ACOXL: variants seen among roughly 807,000 people sequenced by gnomAD.
ACOXL encodes acyl-coenzyme A oxidase-like protein.
In ACOXL, 70 loss-of-function variants were observed where a neutral mutation model predicts 71.9. The observed-to-expected ratio is 0.97, with a 90% confidence interval of 0.80 to 1.19. The LOEUF is 1.19. Ranked by LOEUF, ACOXL falls within the 50% of genes most tolerant of loss-of-function variation. ACOXL has a pLI of 0.00. For synonymous variants in ACOXL, 253 were observed against 281.6 expected, an observed-to-expected ratio of 0.90 and a Z score of 1.02; for missense variants, 703 against 736.3, an observed-to-expected ratio of 0.95 and a Z score of 0.52.
chr2:110,795,386 C>T (rs1026639583), intron 5 of ACOXL, among the ~76,000 whole-genome samples: 17 of 152,278 alleles, frequency 1.1e-4, no homozygotes, highest in African/African-American at 7.2e-5. Context: ...ACTGACCACT[C>T]GTAAAGTGCC....
intron 16 of ACOXL, among the ~76,000 whole-genome samples, chr2:111,076,273 G>A (rs1392667164): frequency 6.6e-6 from 1 of 152,036 alleles, no homozygotes; most frequent in Non-Finnish European, 1.5e-5. Flanking sequence ...ATATTTTAAA[G>A]CATTGTGTGT....
chr2:110,993,335 TC>T (rs759870125), intron 13 of ACOXL, among the ~76,000 whole-genome samples: 5 of 152,236 alleles, frequency 3.3e-5, no homozygotes, highest in Non-Finnish European at 7.3e-5. Flanking sequence ...TCTGATATTT[TC>T]CCACCACAGA....
intron 16 of ACOXL, among the ~76,000 whole-genome samples, chr2:111,088,965 CCTTCCTTTCTTATA>C (rs1320893285): frequency 6.6e-6 from 1 of 152,224 alleles, no homozygotes; most frequent in East Asian, 1.9e-4. Context: ...TAAGGCTTAT[CCTTCCTTTCTTATA>C]CTTCCTTTCT....
At chr2:110,831,177 G>A (rs1689782194) in intron 9 of ACOXL, among the ~76,000 whole-genome samples, 1 of 152,046 alleles carries the variant, frequency 6.6e-6, no homozygotes, top group Non-Finnish European at 1.5e-5. Context: ...ATAAAGATCA[G>A]AAAAAAGACA....
intron 1 of ACOXL, among the ~76,000 whole-genome samples, chr2:110,763,431 G>A (rs1573393822): frequency 6.6e-6 from 1 of 152,286 alleles, no homozygotes; most frequent in Middle Eastern, 3.4e-3. Flanking sequence ...CAATAAAATG[G>A]AGAAAAGATA....
intron 12 of ACOXL, among the ~76,000 whole-genome samples, chr2:110,974,940 A>T (rs966438834): frequency 2.6e-5 from 4 of 152,084 alleles, no homozygotes; most frequent in African/African-American, 9.7e-5. Context: ...CTCAGCCGAG[A>T]TGTGGTTTGG....
chr2:110,754,751 T>G (rs1018854092), intron 1 of ACOXL, among the ~76,000 whole-genome samples: 5 of 152,228 alleles, frequency 3.3e-5, no homozygotes, highest in Non-Finnish European at 7.3e-5. Context: ...TTGGGTTGTT[T>G]CCAGTTTTTG....
At chr2:111,060,620 A>G (rs1335812027) in intron 16 of ACOXL, among the ~76,000 whole-genome samples, 2 of 152,222 alleles carry the variant, frequency 1.3e-5, no homozygotes, top group Non-Finnish European at 2.9e-5. Flanking sequence ...AATCACTCAC[A>G]ATACCAAGAA....
At chr2:110,767,089 T>C (rs1371691285) in intron 1 of ACOXL, among the ~76,000 whole-genome samples, 1 of 152,134 alleles carries the variant, frequency 6.6e-6, no homozygotes. Context: ...TTTTCTGTTG[T>C]TGGGTGGGTA....
At chr2:110,935,822 C>T (rs1016129745) in intron 12 of ACOXL, among the ~76,000 whole-genome samples, 9 of 131,522 alleles carry the variant, frequency 6.8e-5, no homozygotes, top group African/African-American at 1.7e-4. Flanking sequence ...GGACTGGTTT[C>T]GTGGAAGACA....
At chr2:110,844,998 T>A (rs1298407129) in intron 10 of ACOXL, among the ~76,000 whole-genome samples, 1 of 152,244 alleles carries the variant, frequency 6.6e-6, no homozygotes, top group Non-Finnish European at 1.5e-5. Context: ...CTTCTATCCT[T>A]TAGTCGATTA....
chr2:110,969,477 T>C (rs952622207), intron 12 of ACOXL, among the ~76,000 whole-genome samples: 1 of 152,108 alleles, frequency 6.6e-6, no homozygotes, highest in African/African-American at 2.4e-5. Flanking sequence ...ATATCAGGAA[T>C]GAAACAGAAT....
chr2:110,978,641 ATAGTT>A (rs2062566093), intron 12 of ACOXL, among the ~76,000 whole-genome samples: 1 of 152,136 alleles, frequency 6.6e-6, no homozygotes, highest in East Asian at 1.9e-4. Flanking sequence ...ATTTAATTTC[ATAGTT>A]TAGAGTTGAA....
At position 111,114,584 on chromosome 2, in the gene ACOXL, G is replaced by A. The variant is rs147219038; in HGVS notation, c.1543-3032G>A. Among the ~76,000 whole-genome samples the A allele has an allele frequency of 6.8e-3, 1,041 of 152,198 alleles. 40 individuals are homozygous for A. Among genetic ancestry groups the A allele is most frequent in the Admixed American group, 0.061 (929 of 15,278 alleles). ...AACAGGGGTGAGACATATGGGAAGA[G>A]GCAGGAAAACCTTCTGCATGGAGTC... On this transcript the variant is annotated intron_variant, in intron 17 of 17. Transcript: ENST00000439055.
chr2:111,063,107 A>T (rs2066898350), intron 16 of ACOXL, among the ~76,000 whole-genome samples: 1 of 152,176 alleles, frequency 6.6e-6, no homozygotes, highest in African/African-American at 2.4e-5. Context: ...GATAATTTGG[A>T]TAACCTTATA....
chr2:110,869,291 G>A (rs1435585311), intron 10 of ACOXL, among the ~76,000 whole-genome samples: 3 of 152,166 alleles, frequency 2.0e-5, no homozygotes, highest in Non-Finnish European at 4.4e-5. Flanking sequence ...TGTAAATCCC[G>A]TATCAATGCA....
chr2:110,739,411 G>GA (rs1252732397), intron 1 of ACOXL, among the ~76,000 whole-genome samples: 1 of 152,168 alleles, frequency 6.6e-6, no homozygotes, highest in African/African-American at 2.4e-5. Flanking sequence ...ACGTGAGGCT[G>GA]GTTAGAAAAC....
At chr2:110,865,931 T>A (rs771733747) in intron 10 of ACOXL, among the ~76,000 whole-genome samples, 4 of 152,182 alleles carry the variant, frequency 2.6e-5, no homozygotes, top group Non-Finnish European at 5.9e-5. Context: ...CTCCTCTTGA[T>A]AGACAGAAAA....
chr2:110,927,057 A>G (rs906177537), intron 11 of ACOXL, among the ~76,000 whole-genome samples: 2 of 152,218 alleles, frequency 1.3e-5, no homozygotes, highest in African/African-American at 4.8e-5. Flanking sequence ...AACAGGAAGC[A>G]TGACTAGGAG....
Sources: gnomAD v4.1 joint callset for allele counts (sites outside exome capture counted in the v4.1 genomes callset) on GRCh38, gnomAD v4.1.1 for gene constraint, MANE v1.5 for transcripts, NCBI Gene and HGNC (gene_info 2026-07-23, HGNC 2026-07-21) for gene names.